SPOCK3: variants seen among roughly 807,000 people sequenced by gnomAD.
The protein encoded by SPOCK3 is SPARC (osteonectin), cwcv and kazal like domains proteoglycan 3, also known as testican-3.
In SPOCK3, 30 loss-of-function variants were observed where a neutral mutation model predicts 56.6. The observed-to-expected ratio is 0.53, with a 90% CI of 0.40 to 0.72. SPOCK3 has a LOEUF of 0.72. Ranked by LOEUF, SPOCK3 falls within the 30% of genes least tolerant of loss-of-function variation. SPOCK3 has a pLI of 0.00. For missense variants in SPOCK3, 527 were observed against 530.0 expected (o/e 0.99, Z 0.06); for synonymous variants, 196 against 183.3 (o/e 1.07, Z -0.56).
chr4:166,973,865 A>T (rs559895977), intron 4 of SPOCK3, among the ~76,000 whole-genome samples: 2 of 152,280 alleles, frequency 1.3e-5, no homozygotes, highest in South Asian at 4.1e-4. Context: ...AAGAAACATT[A>T]TGATACAAGA....
intron 4 of SPOCK3, among the ~76,000 whole-genome samples, chr4:166,936,615 A>C (rs990839457): frequency 6.6e-6 from 1 of 152,064 alleles, no homozygotes; most frequent in Non-Finnish European, 1.5e-5. Flanking sequence ...TTTTCTTTAC[A>C]GGGATAAATC....
At chr4:167,121,347 A>G (rs1295864286) in intron 2 of SPOCK3, among the ~76,000 whole-genome samples, 1 of 151,922 alleles carries the variant, frequency 6.6e-6, no homozygotes, top group East Asian at 1.9e-4. Context: ...TCTCTTAGCC[A>G]GTTCTCATCT....
chr4:167,196,401 C>T (rs568511261), intron 2 of SPOCK3, among the ~76,000 whole-genome samples: 1 of 152,270 alleles, frequency 6.6e-6, no homozygotes, highest in Admixed American at 6.5e-5. Context: ...ATTCATTAAT[C>T]TCACACTATC....
At chr4:166,925,636 T>C (rs1452512560) in intron 4 of SPOCK3, among the ~76,000 whole-genome samples, 1 of 152,134 alleles carries the variant, frequency 6.6e-6, no homozygotes, top group Non-Finnish European at 1.5e-5. Context: ...CTAGCCTTCT[T>C]GGTTTCTAGT....
chr4:167,073,696 T>C (rs115592749), intron 2 of SPOCK3, among the ~76,000 whole-genome samples: 112 of 152,052 alleles, frequency 7.4e-4, no homozygotes, highest in African/African-American at 2.7e-3. Flanking sequence ...ATTTTTGTTT[T>C]TAAGATGCTA....
At chr4:166,993,545 G>A (rs1311145334) in intron 4 of SPOCK3, among the ~76,000 whole-genome samples, 1 of 152,104 alleles carries the variant, frequency 6.6e-6, no homozygotes, top group Non-Finnish European at 1.5e-5. Context: ...ACACAATGGT[G>A]GCTCATTGTT....
chr4:166,889,226 C>A lies in SPOCK3; in HGVS notation c.493G>T (p.Ala165Ser). The A allele has an allele frequency of 6.2e-7, 1 of 1,608,348 alleles. No individual in the cohort carries two copies. The highest frequency in any genetic ancestry group is 8.5e-7 in the Non-Finnish European group (1 of 1,175,586). The change falls in exon 6 of 11, where the codon GCA becomes TCA. Residue 165 changes from alanine (A) to serine (S), a missense_variant. Transcript: ENST00000357545. Reference sequence around the variant, plus strand: ...GAGATCTGTTTTCCTAAGACACATGCCTGATATTCTAGTTTGCACTGTATA... The same window carrying A: ...GAGATCTGTTTTCCTAAGACACATGACTGATATTCTAGTTTGCACTGTATA... ...YSFQCKLEYQ[A>S]CVLGKQISVK...
intron 5 of SPOCK3, among the ~76,000 whole-genome samples, chr4:166,890,162 T>G (rs1734624516): frequency 6.6e-6 from 1 of 151,900 alleles, no homozygotes. Flanking sequence ...TCGGTGCTTG[T>G]ATGACCACAG....
chr4:167,177,157 A>G (rs1304988057), intron 2 of SPOCK3, among the ~76,000 whole-genome samples: 3 of 152,052 alleles, frequency 2.0e-5, no homozygotes, highest in South Asian at 2.1e-4. Flanking sequence ...TGAGCAGACA[A>G]CTGAGTTATT....
chr4:167,224,257 C>CA (rs1177535208), intron 2 of SPOCK3, among the ~76,000 whole-genome samples: 5 of 151,896 alleles, frequency 3.3e-5, no homozygotes, highest in Admixed American at 6.6e-5. Flanking sequence ...ACTTAATTAC[C>CA]ATAGTTAGCT....
chr4:167,162,411 C>G (rs2150443887), intron 2 of SPOCK3, among the ~76,000 whole-genome samples: 1 of 152,276 alleles, frequency 6.6e-6, no homozygotes, highest in Non-Finnish European at 1.5e-5. Flanking sequence ...TTGAACAACA[C>G]TCTTTCAAAT....
intron 2 of SPOCK3, among the ~76,000 whole-genome samples, chr4:167,163,576 C>G (rs544370314): frequency 5.3e-4 from 80 of 152,022 alleles, no homozygotes; most frequent in African/African-American, 1.8e-3. Flanking sequence ...CTTTCCCCAC[C>G]CCTCCCCACT....
At chr4:167,012,689 TA>T (rs1750207096) in intron 3 of SPOCK3, among the ~76,000 whole-genome samples, 3 of 151,986 alleles carry the variant, frequency 2.0e-5, no homozygotes, top group African/African-American at 7.2e-5. Context: ...TTTCATTTGT[TA>T]AAATGTTTCT....
Position 166,923,640 on chromosome 4 carries a change from T to C in SPOCK3, c.351-10897A>G, listed in dbSNP as rs564992214. 2.6e-5 allele frequency among the ~76,000 whole-genome samples: 4 copies of C among 152,284 alleles called. No individual in the cohort carries two copies. The South Asian group carries it at 8.3e-4, about 32-fold the overall frequency. ...ATTTTGGGACTCATACATTGCCCAT[T>C]AGCAGCCACAAGACTGTTCCCATCT... On this transcript the variant is annotated intron_variant, in intron 4 of 10. Coordinates refer to ENST00000357545, the MANE Select transcript of SPOCK3 (RefSeq NM_001040159.2).
intron 4 of SPOCK3, among the ~76,000 whole-genome samples, chr4:166,986,158 T>A (rs1747136214): frequency 1.3e-5 from 2 of 152,176 alleles, no homozygotes; most frequent in Admixed American, 6.5e-5. Context: ...CATGTTTCAC[T>A]TGTTGAAGAA....
intron 7 of SPOCK3, among the ~76,000 whole-genome samples, chr4:166,776,586 A>G (rs1013817047): frequency 2.6e-5 from 4 of 152,206 alleles, no homozygotes; most frequent in African/African-American, 9.6e-5. Context: ...GTGAGATTAC[A>G]GGTAGAGAAT....
intron 2 of SPOCK3, among the ~76,000 whole-genome samples, chr4:167,232,805 T>C (rs980069642): frequency 3.3e-5 from 5 of 152,174 alleles, no homozygotes; most frequent in African/African-American, 1.2e-4. Context: ...TCTTCAGGAA[T>C]CCCTCTGCTA....
rs1325349660 is a variant in SPOCK3, at chr4:166,969,300, G to T, written c.350+31049C>A. Among the ~76,000 whole-genome samples, 4 of 152,236 alleles carry T rather than the reference G, an allele frequency of 2.6e-5. No individual in the cohort carries two copies. The East Asian group carries it at 7.8e-4, about 30-fold the overall frequency. ...ATGCTTGTGCTTTGAAATGTGAGAAGGACATGAGTTTTTGGAGGGGCCAGT... is the reference window on the plus strand; with the variant it reads ...ATGCTTGTGCTTTGAAATGTGAGAATGACATGAGTTTTTGGAGGGGCCAGT... On this transcript the variant is annotated intron_variant, in intron 4 of 10. Transcript: ENST00000357545.
chr4:167,021,634 AC>A (rs1308078034), intron 3 of SPOCK3, among the ~76,000 whole-genome samples: 1 of 151,944 alleles, frequency 6.6e-6, no homozygotes. Context: ...TAAAACTGGC[AC>A]CAACTAACTT....
Sources: gnomAD v4.1 joint callset for allele counts (sites outside exome capture counted in the v4.1 genomes callset) on GRCh38, gnomAD v4.1.1 for gene constraint, MANE v1.5 for transcripts, NCBI Gene and HGNC (gene_info 2026-07-23, HGNC 2026-07-21) for gene names.